ANLN: variants seen among roughly 807,000 people sequenced by gnomAD.
ANLN encodes anillin, actin binding protein.
In ANLN, 59 loss-of-function variants were observed where a neutral mutation model predicts 135.1. The ratio of observed to expected loss-of-function variants is 0.44; its 90% confidence interval spans 0.35 to 0.54. ANLN has a LOEUF of 0.54. Among genes scored for constraint, ANLN ranks in the 20% least tolerant of loss-of-function variants. The pLI, the probability that ANLN is intolerant of heterozygous loss-of-function variation, is 0.00. For missense variants in ANLN, 1,182 were observed against 1,340.0 expected, an observed-to-expected ratio of 0.88 and a Z score of 1.84; for synonymous variants, 406 against 456.4, an observed-to-expected ratio of 0.89 and a Z score of 1.41.
In ANLN at chr7:36,402,323, G is replaced by A. The variant is rs11532701; in HGVS notation, c.487+2930G>A. ...AGACAAGATTTCACCATGTTGGCCAGGCTGGTCTCAAACTCCTGACCTCAG... is the reference window on the plus strand; with the variant it reads ...AGACAAGATTTCACCATGTTGGCCAAGCTGGTCTCAAACTCCTGACCTCAG... On this transcript the variant is annotated intron_variant, in intron 3 of 23. Coordinates refer to ENST00000265748, the MANE Select transcript of ANLN (RefSeq NM_018685.5). Among the ~76,000 whole-genome samples, 16 of 53,222 alleles carry A rather than the reference G, an allele frequency of 3.0e-4. 1 individual carries two copies. The highest frequency in any genetic ancestry group is 6.8e-4 in the South Asian group (2 of 2,934). 34.9% of individuals were successfully genotyped at this position (53,222 alleles called of 152,430 possible).
chr7:36,452,063 A>G (rs1472552734), intron 23 of ANLN, among the ~76,000 whole-genome samples: 2 of 152,212 alleles, frequency 1.3e-5, no homozygotes, highest in Admixed American at 1.3e-4. Flanking sequence ...CTGTGATTGC[A>G]GCTTTTGGAG....
At position 36,410,516 on chromosome 7, in the gene ANLN, G is replaced by A; in HGVS notation, c.1099G>A (p.Gly367Arg). ...AAAAATGTGTGTGTTTTCTGTAGGAGGAACAGGAATTAAGCCTTTCCTGGA... is the reference window on the plus strand; with the variant it reads ...AAAAATGTGTGTGTTTTCTGTAGGAAGAACAGGAATTAAGCCTTTCCTGGA... ...QSKDKSTTPG[G>R]TGIKPFLERF... Residue 367 changes from glycine to arginine, a missense_variant and splice_region_variant, in exon 6 of 24, where the codon GGA (glycine) becomes AGA (arginine). Gly to Arg is a moderately radical substitution (Grantham distance 125). Coordinates refer to ENST00000265748, the MANE Select transcript of ANLN (RefSeq NM_018685.5). 1.3e-6 allele frequency: 2 copies of A among 1,592,524 alleles called. No homozygotes were observed. Among genetic ancestry groups the A allele is most frequent in the South Asian group, 2.3e-5 (2 of 87,224 alleles).
rs1344030165 is a variant in ANLN at position 36,423,910 on chromosome 7, G to A, written c.2570G>A (p.Gly857Asp). The A allele has an allele frequency of 6.2e-7, 1 of 1,612,244 alleles. No homozygotes were observed. The highest frequency in any genetic ancestry group is 8.5e-7 in the Non-Finnish European group (1 of 1,179,124). The change falls in exon 15 of 24, where the codon GGT becomes GAT. Residue 857 changes from glycine (G) to aspartate (D), a missense_variant. Physicochemically the swap from Gly to Asp is moderately conservative, Grantham distance 94 (BLOSUM62 -1). Coordinates refer to ENST00000265748, the MANE Select transcript of ANLN (RefSeq NM_018685.5). ...GCAAGTACTTCAAACTCTCTTAACGGTGATGCTCTGACATTCACTACTACA... is the reference window on the plus strand; with the variant it reads ...GCAAGTACTTCAAACTCTCTTAACGATGATGCTCTGACATTCACTACTACA... The part of the protein sequence containing the change: ...PLASTSNSLN[G>D]DALTFTTTFT...
intron 1 of ANLN, among the ~76,000 whole-genome samples, chr7:36,391,300 G>A (rs1583583650): frequency 6.6e-6 from 1 of 152,244 alleles, no homozygotes; most frequent in Admixed American, 6.5e-5. Context: ...ATCTAAACTA[G>A]AATACGATTC....
rs1342568070 is a variant in ANLN at position 36,449,645 on chromosome 7, C to A, written c.3079-20C>A. Reference sequence around the variant, plus strand: ...AAATAGTCTTATTTTCTACTAATTTCTCTTAATTTGTTTTTAAAGAATCCC... The same window carrying A: ...AAATAGTCTTATTTTCTACTAATTTATCTTAATTTGTTTTTAAAGAATCCC... On this transcript the variant is annotated intron_variant, in intron 22 of 23. Coordinates refer to ENST00000265748, the MANE Select transcript of ANLN (RefSeq NM_018685.5). The A allele has an allele frequency of 5.0e-6, 8 of 1,584,906 alleles. No individual in the cohort carries two copies. The highest frequency in any genetic ancestry group is 6.9e-6 in the Non-Finnish European group (8 of 1,162,468).
Position 36,416,102 on chromosome 7 carries a change from C to A in ANLN, c.1522+218C>A, listed in dbSNP as rs112273993. Among the ~76,000 whole-genome samples the A allele has an allele frequency of 2.3e-3, 355 of 152,218 alleles. 3 individuals carry two copies. Among genetic ancestry groups the A allele is most frequent in the African/African-American group, 7.9e-3 (330 of 41,536 alleles). ...GGTGTGATCTCTTGGCTCACTGCAA[C>A]CCTCACCTCCCGGGTTCAAACGATT... is the stretch of plus-strand genomic sequence containing the variant. On this transcript the variant is annotated intron_variant, in intron 8 of 23. Transcript: ENST00000265748.
chr7:36,407,764 T>A lies in ANLN; in HGVS notation c.904T>A (p.Ser302Thr), dbSNP rs1465272609. The change falls in exon 5 of 24, where the codon TCT (serine) becomes ACT (threonine). Residue 302 changes from serine (S) to threonine (T), a missense_variant. Physicochemically the swap from Ser to Thr is moderately conservative, Grantham distance 58 (BLOSUM62 1). Around this residue, in one of 3 missense-constraint regions of ANLN, gnomAD observed 1,022 missense variants for 1,134.0 expected, o/e 0.90. Coordinates refer to ENST00000265748, the MANE Select transcript of ANLN (RefSeq NM_018685.5). ...TACTTCTCCAGTGAAATCTACTACA[T>A]CTATCACTGATGCTAAAAGTTGTGA... is the stretch of plus-strand genomic sequence containing the variant. ...KATSPVKSTT[S>T]ITDAKSCEGQ... 3 of 1,613,458 alleles carry A rather than the reference T, an allele frequency of 1.9e-6. No individual in the cohort carries two copies. In the South Asian group the frequency reaches 3.3e-5, roughly 18 times the overall value.
At position 36,411,051 on chromosome 7, in the gene ANLN, G is replaced by A; in HGVS notation, c.1288-8G>A. ...TCTTGTGTAAAATACAGCTTTTGAT[G>A]GGTTTAGGAACGTCAAAAAGAACTA... On this transcript the variant is annotated splice_region_variant and splice_polypyrimidine_tract_variant and intron_variant, in intron 6 of 23. Transcript: ENST00000265748. 1.9e-6 allele frequency: 3 copies of A among 1,574,484 alleles called. No homozygotes were observed. The highest frequency in any genetic ancestry group is 2.6e-6 in the Non-Finnish European group (3 of 1,168,154).
In ANLN at chr7:36,404,330, G is replaced by A. The variant is rs533356097; in HGVS notation, c.488-1851G>A. On this transcript the variant is annotated intron_variant, in intron 3 of 23. Transcript: ENST00000265748. ...CATCCAGTAGTCTCCCCACTTATCC[G>A]CTGGGTATATGTTCCACGACCACCA... 5.9e-5 allele frequency among the ~76,000 whole-genome samples: 9 copies of A among 152,260 alleles called. 1 individual carries two copies. In the East Asian group the frequency reaches 1.4e-3, roughly 23 times the overall value.
intron 20 of ANLN, among the ~76,000 whole-genome samples, chr7:36,428,697 A>T (rs1342431524): frequency 6.6e-6 from 1 of 151,994 alleles, no homozygotes; most frequent in Non-Finnish European, 1.5e-5. Flanking sequence ...ATTAGTAACT[A>T]TATTTAAAAC....
At position 36,452,950 on chromosome 7, in the gene ANLN, CT is replaced by C. The variant is rs1481767049; in HGVS notation, c.*353del. ...GCTGTAGGTCTTGAAGCAGCAACGT[CT>C]TTCAGGGGTTGGAGACAGAAACCCA... is the stretch of plus-strand genomic sequence containing the variant. On this transcript the variant is annotated 3_prime_UTR_variant, in exon 24 of 24. Coordinates refer to ENST00000265748, the MANE Select transcript of ANLN (RefSeq NM_018685.5). 46 of 164,844 alleles carry C rather than the reference CT, an allele frequency of 2.8e-4. 1 individual carries two copies. The highest frequency in any genetic ancestry group is 2.6e-5 in the Non-Finnish European group (2 of 76,160). 10.2% of individuals were successfully genotyped at this position (164,844 alleles called of 1,614,324 possible).
At chr7:36,419,669 A>G (rs1239251005) in intron 10 of ANLN, among the ~76,000 whole-genome samples, 190 bp downstream of exon 10, 2 of 152,218 alleles carry the variant, frequency 1.3e-5, no homozygotes, top group African/African-American at 4.8e-5. Context: ...GATGAAATCC[A>G]AAGAGTAACA....
At chr7:36,440,999 A>G (rs1448126938) in intron 21 of ANLN, among the ~76,000 whole-genome samples, 2 of 152,162 alleles carry the variant, frequency 1.3e-5, no homozygotes, top group African/African-American at 4.8e-5. Flanking sequence ...CCAACTTCCC[A>G]AGGATTGGGA....
rs35533849 is a variant in ANLN, at chr7:36,411,022, C to T, written c.1288-37C>T. On this transcript the variant is annotated intron_variant, in intron 6 of 23. Coordinates refer to ENST00000265748, the MANE Select transcript of ANLN (RefSeq NM_018685.5). ...AGTGTTTGGATGTTAAACATGCTACCGGCTCTTGTGTAAAATACAGCTTTT... is the reference window on the plus strand; with the variant it reads ...AGTGTTTGGATGTTAAACATGCTACTGGCTCTTGTGTAAAATACAGCTTTT... The T allele has an allele frequency of 9.4e-3, 14,381 of 1,528,378 alleles. 288 individuals carry two copies. The highest frequency in any genetic ancestry group is 0.089 in the Admixed American group (3,839 of 43,204). 94.7% of individuals were successfully genotyped at this position (1,528,378 alleles called of 1,614,324 possible).
chr7:36,389,898 G>A lies in ANLN; in HGVS notation c.-129G>A, dbSNP rs1323822562. The stretch of plus-strand genomic sequence containing the variant: ...TGGAAGCCGAGAGGAGAGGACAGCT[G>A]GTTGTGGGAGAGTTCCCCCGCCTCA... On this transcript the variant is annotated 5_prime_UTR_variant, in exon 1 of 24. Coordinates refer to ENST00000265748, the MANE Select transcript of ANLN (RefSeq NM_018685.5). 1.3e-6 allele frequency: 2 copies of A among 1,541,344 alleles called. No homozygotes were observed. Among genetic ancestry groups the A allele is most frequent in the Non-Finnish European group, 1.8e-6 (2 of 1,120,232 alleles).
At chr7:36,435,585 T>C (rs927954765) in intron 20 of ANLN, among the ~76,000 whole-genome samples, 1 of 152,048 alleles carries the variant, frequency 6.6e-6, no homozygotes, top group African/African-American at 2.4e-5. Flanking sequence ...TTTTAAGATT[T>C]ATCCATGGCC....
chr7:36,416,036 T>G (rs917429528), intron 8 of ANLN, 152 bp downstream of exon 8: 2 of 700,578 alleles, frequency 2.9e-6, no homozygotes, highest in Non-Finnish European at 4.5e-6. Flanking sequence ...CACTTTTCTT[T>G]GAGATGGATT....
At chr7:36,445,546 G>T (rs79514504) in intron 22 of ANLN, among the ~76,000 whole-genome samples, 166 of 152,202 alleles carry the variant, frequency 1.1e-3, no homozygotes, top group African/African-American at 3.9e-3. Context: ...GTATACTTTT[G>T]TAAGAGCACA....
At chr7:36,413,970 G>A (rs1300023306) in intron 7 of ANLN, among the ~76,000 whole-genome samples, 1 of 151,894 alleles carries the variant, frequency 6.6e-6, no homozygotes, top group Non-Finnish European at 1.5e-5. Flanking sequence ...CTCCAGTCTG[G>A]GCAATGGAGT....
Sources: gnomAD v4.1 joint callset for allele counts (sites outside exome capture counted in the v4.1 genomes callset) on GRCh38, gnomAD v4.1.1 for gene constraint, gnomAD v4.1.1 regional missense constraint, MANE v1.5 for transcripts, NCBI Gene and HGNC (gene_info 2026-07-23, HGNC 2026-07-21) for gene names.